The following PFKFB4 variants were observed in gnomAD, a reference collection of about 807,000 sequenced individuals.
The protein encoded by PFKFB4 is 6-phosphofructo-2-kinase/fructose-2,6-bisphosphatase 4.
In PFKFB4, 42 loss-of-function variants were observed where a neutral mutation model predicts 62.8. That is an observed-to-expected ratio of 0.67 (90% CI 0.52 to 0.86). The LOEUF is 0.86. Among genes scored for constraint, PFKFB4 ranks in the 40% least tolerant of loss-of-function variants. The probability of loss-of-function intolerance (pLI) is 0.00; values close to 1 mark genes in which losing one functional copy is unlikely to be tolerated. For synonymous variants in PFKFB4, 204 were observed against 240.7 expected, an observed-to-expected ratio of 0.85 and a Z score of 1.41; for missense variants, 475 against 627.2, an observed-to-expected ratio of 0.76 and a Z score of 2.59.
At chr3:48,553,292 G>A (rs2043212390) in intron 1 of PFKFB4, among the ~76,000 whole-genome samples, 1 of 152,180 alleles carries the variant, frequency 6.6e-6, no homozygotes, top group South Asian at 2.1e-4. Context: ...TGGCCAACAT[G>A]GTGAAACCCT....
At chr3:48,548,887 G>T (rs1434081926) in intron 3 of PFKFB4, among the ~76,000 whole-genome samples, 1 of 152,188 alleles carries the variant, frequency 6.6e-6, no homozygotes, top group Non-Finnish European at 1.5e-5. Context: ...CAGTCTGAAG[G>T]TCCAAGCCCC....
intron 9 of PFKFB4, among the ~76,000 whole-genome samples, chr3:48,535,100 C>T (rs2042552047): frequency 6.6e-6 from 1 of 152,192 alleles, no homozygotes; most frequent in South Asian, 2.1e-4. Flanking sequence ...TGAGCCACCG[C>T]ACCTGGCGAG....
intron 3 of PFKFB4, among the ~76,000 whole-genome samples, chr3:48,544,693 T>G (rs1325291769): frequency 6.6e-6 from 1 of 151,818 alleles, no homozygotes; most frequent in African/African-American, 2.4e-5. Flanking sequence ...AGCTTTTTCA[T>G]TTATTGCTGC....
intron 1 of PFKFB4, among the ~76,000 whole-genome samples, chr3:48,552,036 A>C (rs2043172545): frequency 6.6e-6 from 1 of 152,120 alleles, no homozygotes; most frequent in African/African-American, 2.4e-5. Flanking sequence ...GTCCCCACCA[A>C]CAAGTTGTTT....
In PFKFB4 at chr3:48,533,990, G is replaced by T. The variant is rs570878562; in HGVS notation, c.987+1522C>A. 2.0e-5 allele frequency among the ~76,000 whole-genome samples: 3 copies of T among 152,322 alleles called. No homozygotes were observed. In the South Asian group the frequency reaches 6.2e-4, roughly 32 times the overall value. ...GCTTACTGCCCAGAGGCACTTCCTG[G>T]ACTGCAGAGCCAAGCATAATGAAGA... On this transcript the variant is annotated intron_variant, in intron 9 of 13. Coordinates refer to ENST00000232375, the MANE Select transcript of PFKFB4 (RefSeq NM_004567.4).
At chr3:48,546,841 G>A (rs984407150) in intron 3 of PFKFB4, among the ~76,000 whole-genome samples, 1 of 152,204 alleles carries the variant, frequency 6.6e-6, no homozygotes, top group South Asian at 2.1e-4. Context: ...AACCTTGGTC[G>A]TTGAGTCTCT....
At chr3:48,546,205 A>T (rs878913924) in intron 3 of PFKFB4, among the ~76,000 whole-genome samples, 7 of 150,528 alleles carry the variant, frequency 4.7e-5, no homozygotes, top group Admixed American at 4.6e-4. Context: ...AGCGTGCACA[A>T]CCCCTGTGTG....
intron 4 of PFKFB4, among the ~76,000 whole-genome samples, chr3:48,540,447 G>T (rs1400009844): frequency 6.6e-6 from 1 of 152,124 alleles, no homozygotes; most frequent in Non-Finnish European, 1.5e-5. Context: ...AGAGCTGGAG[G>T]CCCAGGCCCC....
intron 9 of PFKFB4, among the ~76,000 whole-genome samples, chr3:48,532,078 G>A (rs150293999): frequency 0.014 from 2,182 of 152,274 alleles, 61 homozygotes; most frequent in African/African-American, 0.049. Flanking sequence ...AGGCCGAGGC[G>A]GGTGGATTGC....
intron 9 of PFKFB4, among the ~76,000 whole-genome samples, chr3:48,534,432 T>C (rs1446459586): frequency 2.0e-5 from 3 of 152,110 alleles, no homozygotes; most frequent in Non-Finnish European, 4.4e-5. Context: ...AGATACATCA[T>C]AATCAAATTG....
chr3:48,553,442 C>A (rs2043216554), intron 1 of PFKFB4, among the ~76,000 whole-genome samples: 1 of 152,058 alleles, frequency 6.6e-6, no homozygotes, highest in Admixed American at 6.5e-5. Context: ...CCACTGCACT[C>A]CAGCCTGGGG....
Position 48,525,680 on chromosome 3 carries a change from AC to A in PFKFB4, c.988-12del. 6.6e-7 allele frequency: 1 copy of A among 1,517,508 alleles called. No homozygotes were observed. The highest frequency in any genetic ancestry group is 9.1e-7 in the Non-Finnish European group (1 of 1,102,222). The allele number at this position is 1,517,508 out of a possible 1,614,324, so 94.0% of individuals were successfully genotyped here. A position where few individuals can be genotyped will look rare whatever the true frequency, so the allele number is the denominator to read the frequency against. On this transcript the variant is annotated splice_polypyrimidine_tract_variant and intron_variant, in intron 9 of 13. Transcript: ENST00000232375. ...TTCCTCACAGACGCCCTAGGGAGAT[AC>A]CACAGTCATCACACCTCCTACAGGC...
rs752030853 is a variant in PFKFB4 at position 48,538,497 on chromosome 3, C to T, written c.632+1G>A. 6.2e-7 allele frequency: 1 copy of T among 1,613,892 alleles called. No homozygotes were observed. Among genetic ancestry groups the T allele is most frequent in the Non-Finnish European group, 8.5e-7 (1 of 1,179,984 alleles). On this transcript the variant is annotated splice_donor_variant, in intron 7 of 13. Coordinates refer to ENST00000232375, the MANE Select transcript of PFKFB4 (RefSeq NM_004567.4). LOFTEE classifies it high-confidence loss of function. Reference sequence around the variant, plus strand: ...CAGGGCCTGGCGCTGCCCTGACTCACCTATCCAGGTCCTCATCTAGCGACT... The same window carrying T: ...CAGGGCCTGGCGCTGCCCTGACTCATCTATCCAGGTCCTCATCTAGCGACT...
At chr3:48,529,467 C>T (rs932648078) in intron 9 of PFKFB4, among the ~76,000 whole-genome samples, 1 of 152,092 alleles carries the variant, frequency 6.6e-6, no homozygotes, top group Non-Finnish European at 1.5e-5. Flanking sequence ...ATCAGATTAA[C>T]TTCAAAGGAA....
chr3:48,557,290 C>T (rs2043354087), upstream of PFKFB4, among the ~76,000 whole-genome samples: 1 of 152,178 alleles, frequency 6.6e-6, no homozygotes, highest in African/African-American at 2.4e-5. Context: ...CCTACGTGAC[C>T]CGCACGGCCA....
At chr3:48,528,245 G>A (rs2042326226) in intron 9 of PFKFB4, among the ~76,000 whole-genome samples, 1 of 152,138 alleles carries the variant, frequency 6.6e-6, no homozygotes, top group Non-Finnish European at 1.5e-5. Flanking sequence ...CACACACTGC[G>A]GGAGGGAATG....
upstream of PFKFB4, chr3:48,556,904 C>A: frequency 7.0e-7 from 1 of 1,421,240 alleles, no homozygotes; most frequent in South Asian, 1.5e-5. This position sits in a 1 kb window ranked among gnomAD's most constrained non-coding sequence, Gnocchi z 5.7. Context: ...TCTATCTTCC[C>A]GCAGGTCCCG....
intron 4 of PFKFB4, among the ~76,000 whole-genome samples, chr3:48,541,807 A>C (rs1575384996): frequency 1.3e-5 from 2 of 152,222 alleles, no homozygotes; most frequent in African/African-American, 4.8e-5. Flanking sequence ...CTCTGTGAAA[A>C]ATACAAGAAT....
intron 3 of PFKFB4, chr3:48,547,972 AG>A (rs2043015270): frequency 6.6e-6 from 1 of 152,244 alleles, no homozygotes; most frequent in South Asian, 2.1e-4. Context: ...AGCCAGAGCC[AG>A]GATTCGGATA....
Sources: allele counts gnomAD v4.1 joint callset (sites outside exome capture counted in the v4.1 genomes callset), GRCh38; gene constraint gnomAD v4.1.1; non-coding constraint Gnocchi (gnomAD v3.1); transcripts MANE v1.5; gene names NCBI Gene and HGNC (gene_info 2026-07-23, HGNC 2026-07-21).